Variants in GNA14 observed in about 807,000 individuals in gnomAD.
GNA14 encodes G protein subunit alpha 14, also known as guanine nucleotide-binding protein subunit alpha-14.
A neutral mutation model predicts 42.0 loss-of-function variants in GNA14; 50 were observed. The ratio of observed to expected loss-of-function variants is 1.19; its 90% CI spans 0.95 to 1.51. GNA14 has a LOEUF of 1.51. Ranked by LOEUF, GNA14 falls within the 40% of genes most tolerant of loss-of-function variation. GNA14 has a pLI of 0.00. For missense variants in GNA14, 473 were observed against 446.2 expected (o/e 1.06, Z -0.54); for synonymous variants, 173 against 163.1 (o/e 1.06, Z -0.46).
intron 2 of GNA14, among the ~76,000 whole-genome samples, chr9:77,437,791 T>G (rs1013978697): frequency 6.6e-6 from 1 of 152,152 alleles, no homozygotes; most frequent in Non-Finnish European, 1.5e-5. Context: ...AACACAGATA[T>G]GCCCTCACTT....
At chr9:77,509,015 G>T (rs966344645) in intron 2 of GNA14, among the ~76,000 whole-genome samples, 1 of 152,132 alleles carries the variant, frequency 6.6e-6, no homozygotes, top group Admixed American at 6.5e-5. Flanking sequence ...CATTCACGTT[G>T]TCATGCAACC....
intron 2 of GNA14, among the ~76,000 whole-genome samples, chr9:77,515,959 A>C (rs1758931): frequency 7.7e-6 from 1 of 129,382 alleles, no homozygotes; most frequent in Non-Finnish European, 1.6e-5. Context: ...ACCCTGTCTC[A>C]CAAAAAAAAA....
chr9:77,595,037 C>T (rs1823442415), intron 1 of GNA14, among the ~76,000 whole-genome samples: 1 of 152,160 alleles, frequency 6.6e-6, no homozygotes, highest in Non-Finnish European at 1.5e-5. Flanking sequence ...CATCTCTGAC[C>T]ACTTCCAAAC....
At chr9:77,568,502 A>AAAGAAAG (rs1554699394) in intron 1 of GNA14, among the ~76,000 whole-genome samples, 1 of 151,466 alleles carries the variant, frequency 6.6e-6, no homozygotes, top group Non-Finnish European at 1.5e-5. Flanking sequence ...AAAAAAAAAA[A>AAAGAAAG]AAAGAAAGAA....
chr9:77,445,441 G>A (rs1419864762), intron 2 of GNA14, among the ~76,000 whole-genome samples: 3 of 151,738 alleles, frequency 2.0e-5, no homozygotes, highest in African/African-American at 7.3e-5. Context: ...GGCCCAGCAA[G>A]GTGGCTCATG....
intron 2 of GNA14, among the ~76,000 whole-genome samples, chr9:77,497,610 C>G (rs549600301): frequency 6.6e-6 from 1 of 152,050 alleles, no homozygotes; most frequent in African/African-American, 2.4e-5. Context: ...TATCTGTGAA[C>G]TTCCTGAGCG....
intron 2 of GNA14, among the ~76,000 whole-genome samples, chr9:77,464,006 T>A (rs1390625978): frequency 6.6e-6 from 1 of 152,138 alleles, no homozygotes; most frequent in Non-Finnish European, 1.5e-5. Context: ...GTTGTTGTTG[T>A]TTTTGTTTTT....
chr9:77,642,647 T>G (rs1824286366), intron 1 of GNA14, among the ~76,000 whole-genome samples: 1 of 152,096 alleles, frequency 6.6e-6, no homozygotes, highest in African/African-American at 2.4e-5. Context: ...TGGATGCCTG[T>G]AATTCCAGCT....
chr9:77,552,126 C>CAAAA (rs34493872), intron 1 of GNA14, among the ~76,000 whole-genome samples: 5 of 85,076 alleles, frequency 5.9e-5, no homozygotes, highest in Admixed American at 1.4e-4. Flanking sequence ...AACTCCATCT[C>CAAAA]AAAAAAAAAA....
intron 2 of GNA14, among the ~76,000 whole-genome samples, chr9:77,462,977 C>T (rs1366293657): frequency 6.6e-6 from 1 of 152,172 alleles, no homozygotes; most frequent in East Asian, 1.9e-4. Context: ...GGAGTTCTCT[C>T]TTCTAAGATG....
At chr9:77,564,982 AAAATAC>A (rs773810285) in intron 1 of GNA14, among the ~76,000 whole-genome samples, 8 of 152,354 alleles carry the variant, frequency 5.3e-5, no homozygotes, top group East Asian at 1.9e-4. Flanking sequence ...CACATCTATG[AAAATAC>A]AAATACATTT....
intron 2 of GNA14, chr9:77,456,650 T>TAACG: frequency 6.6e-6 from 1 of 152,124 alleles, no homozygotes; most frequent in African/African-American, 2.4e-5. Flanking sequence ...AACTGAGGAG[T>TAACG]AACGTATGTT....
chr9:77,553,156 G>A (rs1000112606), intron 1 of GNA14, among the ~76,000 whole-genome samples: 42 of 152,316 alleles, frequency 2.8e-4, no homozygotes, highest in African/African-American at 9.9e-4. Flanking sequence ...ATGGAAGGGT[G>A]AAATCTCAAT....
rs766403431 is a variant in GNA14, at chr9:77,429,005, T to C, written c.625A>G (p.Arg209Gly). 6.2e-7 allele frequency: 1 copy of C among 1,614,092 alleles called. No individual in the cohort carries two copies. The highest frequency in any genetic ancestry group is 1.7e-5 in the Admixed American group (1 of 60,016). The part of the protein sequence containing the change: ...MVDVGGQRSE[R>G]RKWIHCFESV... ...TCAAAGCAGTGAATCCACTTCCGTC[T>C]TTCCGATCGTTGGCCACCAACATCC... The change falls in exon 5 of 7, where the codon AGA (arginine) becomes GGA (glycine). Residue 209 changes from arginine to glycine, a missense_variant. Physicochemically the swap from Arg to Gly is moderately radical, Grantham distance 125. Coordinates refer to ENST00000341700, the MANE Select transcript of GNA14 (RefSeq NM_004297.4).
intron 2 of GNA14, among the ~76,000 whole-genome samples, chr9:77,439,838 G>T (rs1326004165): frequency 1.3e-5 from 2 of 152,156 alleles, no homozygotes; most frequent in Non-Finnish European, 2.9e-5. Flanking sequence ...CTCAGGGAAA[G>T]AGAGGACAAA....
intron 5 of GNA14, 144 bp from the exon 6 acceptor site, chr9:77,425,859 G>A (rs1835447252): frequency 3.0e-6 from 2 of 657,482 alleles, no homozygotes; most frequent in Admixed American, 2.9e-5. Context: ...AGCATGTGGG[G>A]CCCCAGGCTA....
At chr9:77,474,659 G>T (rs1160330945) in intron 2 of GNA14, among the ~76,000 whole-genome samples, 2 of 152,076 alleles carry the variant, frequency 1.3e-5, no homozygotes, top group Non-Finnish European at 2.9e-5. Context: ...ATACCCAAGA[G>T]AACTGAAGAC....
intron 1 of GNA14, among the ~76,000 whole-genome samples, chr9:77,631,968 G>A (rs1025154255): frequency 3.3e-5 from 5 of 152,126 alleles, no homozygotes; most frequent in African/African-American, 9.7e-5. Flanking sequence ...CCAAACTGCA[G>A]CTGCAGACCC....
intron 2 of GNA14, among the ~76,000 whole-genome samples, chr9:77,458,627 G>A (rs1323947702): frequency 6.6e-6 from 1 of 152,190 alleles, no homozygotes; most frequent in African/African-American, 2.4e-5. Context: ...TATTTGAAGA[G>A]AACTTGCACT....
Sources: gnomAD v4.1 joint callset for allele counts (sites outside exome capture counted in the v4.1 genomes callset) on GRCh38, gnomAD v4.1.1 for gene constraint, MANE v1.5 for transcripts, NCBI Gene and HGNC (gene_info 2026-07-23, HGNC 2026-07-21) for gene names.